Variants in DHRSX observed in about 807,000 individuals in gnomAD.
DHRSX encodes polyprenol dehydrogenase.
In DHRSX, 31 loss-of-function variants were observed where a neutral mutation model predicts 34.0. The ratio of observed to expected loss-of-function variants is 0.91; its 90% CI spans 0.69 to 1.23. The LOEUF (loss-of-function observed/expected upper bound fraction) is 1.23, where lower values mean the gene tolerates loss of function less well. Ranked by LOEUF, DHRSX falls within the 50% of genes most tolerant of loss-of-function variation. The probability of loss-of-function intolerance (pLI) is 0.00; values close to 1 mark genes in which losing one functional copy is unlikely to be tolerated. For synonymous variants in DHRSX, 201 were observed against 183.8 expected (o/e 1.09, Z -0.76); for missense variants, 414 against 428.1 (o/e 0.97, Z 0.29).
intron 6 of DHRSX, among the ~76,000 whole-genome samples, chrX:2,232,571 AT>A (rs762236265): frequency 4.0e-4 from 61 of 151,090 alleles, no homozygotes; most frequent in South Asian, 1.7e-3. Flanking sequence ...AAGAATCAGC[AT>A]TTTTTTTTAT....
chrX:2,233,039 C>T (rs1441833838), intron 6 of DHRSX, among the ~76,000 whole-genome samples: 5 of 151,912 alleles, frequency 3.3e-5, no homozygotes, highest in Admixed American at 6.6e-5. Flanking sequence ...TGGTTTTATA[C>T]TCTTAAAGTG....
At chrX:2,242,963 C>A (rs1459258879) in intron 6 of DHRSX, 60 bp downstream of exon 6, 2 of 1,547,410 alleles carry the variant, frequency 1.3e-6, no homozygotes, top group Non-Finnish European at 1.8e-6. Context: ...GGACTGGGGA[C>A]CCCCTTTCCT....
chrX:2,414,735 T>C (rs972476038), intron 2 of DHRSX, among the ~76,000 whole-genome samples: 1 of 151,884 alleles, frequency 6.6e-6, no homozygotes, highest in Non-Finnish European at 1.5e-5. Flanking sequence ...TTACATCTCA[T>C]TATGACAACG....
At chrX:2,330,203 A>C (rs904458253) in intron 3 of DHRSX, among the ~76,000 whole-genome samples, 4 of 144,252 alleles carry the variant, frequency 2.8e-5, no homozygotes, top group Non-Finnish European at 6.1e-5. Flanking sequence ...AGGAGGGGGA[A>C]GAGGAGGTGA....
intron 1 of DHRSX, among the ~76,000 whole-genome samples, chrX:2,485,002 C>T (rs1366033361): frequency 1.3e-5 from 2 of 152,182 alleles, no homozygotes; most frequent in East Asian, 1.9e-4. Context: ...TTTCCTCACC[C>T]TTCAGAGGCC....
intron 4 of DHRSX, among the ~76,000 whole-genome samples, chrX:2,283,379 T>G (rs187050920): frequency 0.013 from 2,002 of 151,936 alleles, 31 homozygotes; most frequent in South Asian, 0.026. Context: ...GGAGAGCAGC[T>G]CTGGAAGAGA....
Position 2,331,551 on chromosome X carries a change from G to A in DHRSX, c.287-39948C>T, listed in dbSNP as rs181378272. ...CAACCTCCACCTCCCAGGTTCAAGCGATTCTCCTGCCTCAGCCTGCCGAGT... is the reference window on the plus strand; with the variant it reads ...CAACCTCCACCTCCCAGGTTCAAGCAATTCTCCTGCCTCAGCCTGCCGAGT... On this transcript the variant is annotated intron_variant, in intron 3 of 6. Transcript: ENST00000334651. 1.0e-4 allele frequency among the ~76,000 whole-genome samples: 15 copies of A among 144,764 alleles called. No homozygotes were observed. The East Asian group carries it at 1.7e-3, about 16-fold the overall frequency. 95.0% of individuals were successfully genotyped at this position (144,764 alleles called of 152,430 possible).
At chrX:2,495,664 C>T (rs1477037921) in intron 1 of DHRSX, among the ~76,000 whole-genome samples, 1 of 152,206 alleles carries the variant, frequency 6.6e-6, no homozygotes, top group East Asian at 1.9e-4. Flanking sequence ...TTCCTCCTTC[C>T]TCCTCCCTTG....
At chrX:2,274,490 C>T (rs1349618166) in intron 4 of DHRSX, among the ~76,000 whole-genome samples, 3 of 151,868 alleles carry the variant, frequency 2.0e-5, no homozygotes, top group African/African-American at 7.3e-5. Flanking sequence ...GAACTCGGCT[C>T]ACTGCAACCT....
intron 6 of DHRSX, among the ~76,000 whole-genome samples, chrX:2,242,304 A>G (rs908571957): frequency 6.6e-6 from 1 of 152,062 alleles, no homozygotes; most frequent in Non-Finnish European, 1.5e-5. Flanking sequence ...ATTTATGGGC[A>G]CTACCTAGCT....
chrX:2,353,084 A>C (rs1256334308), intron 3 of DHRSX, among the ~76,000 whole-genome samples: 1 of 152,184 alleles, frequency 6.6e-6, no homozygotes, highest in Non-Finnish European at 1.5e-5. Context: ...TTTACAAAAA[A>C]AAATACAAAT....
intron 3 of DHRSX, among the ~76,000 whole-genome samples, chrX:2,368,224 C>G (rs1198353502): frequency 7.0e-6 from 1 of 143,440 alleles, no homozygotes; most frequent in Admixed American, 7.2e-5. Flanking sequence ...GCCTGGGCAA[C>G]AGAATAAGAC....
intron 5 of DHRSX, among the ~76,000 whole-genome samples, chrX:2,248,216 A>G (rs1413100769): frequency 6.6e-6 from 1 of 152,026 alleles, no homozygotes; most frequent in African/African-American, 2.4e-5. Context: ...GGCAGACCAC[A>G]AGGTCAGGAG....
intron 1 of DHRSX, chrX:2,490,617 C>A: frequency 1.9e-6 from 3 of 1,613,946 alleles, no homozygotes; most frequent in Non-Finnish European, 2.5e-6. Flanking sequence ...CATCCCTCGG[C>A]GTTGGTGTCG....
chrX:2,409,724 G>GT (rs1177442428), intron 2 of DHRSX, among the ~76,000 whole-genome samples: 1 of 151,016 alleles, frequency 6.6e-6, no homozygotes, highest in African/African-American at 2.4e-5. Flanking sequence ...TTTTTGTTTT[G>GT]TTTTTTTGTT....
At chrX:2,360,452 G>C (rs1173384984) in intron 3 of DHRSX, among the ~76,000 whole-genome samples, 1 of 152,018 alleles carries the variant, frequency 6.6e-6, no homozygotes, top group East Asian at 1.9e-4. Context: ...GTGTGGTGGT[G>C]CGTGCCTGTA....
chrX:2,500,927 G>C lies in DHRSX; in HGVS notation c.-2C>G. On this transcript the variant is annotated 5_prime_UTR_variant, in exon 1 of 7. Coordinates refer to ENST00000334651, the MANE Select transcript of DHRSX (RefSeq NM_145177.3). Reference sequence around the variant, plus strand: ...CCGCGCCGCAGACAATGGCGACATGGCTGCCCCGGCCGCGCCGCCGCCGCT... The same window carrying C: ...CCGCGCCGCAGACAATGGCGACATGCCTGCCCCGGCCGCGCCGCCGCCGCT... 9.3e-7 allele frequency: 1 copy of C among 1,072,622 alleles called. No homozygotes were observed. The highest frequency in any genetic ancestry group is 1.1e-6 in the Non-Finnish European group (1 of 887,202). 66.4% of individuals were successfully genotyped at this position (1,072,622 alleles called of 1,614,324 possible).
chrX:2,391,167 T>C (rs149250592), intron 3 of DHRSX, among the ~76,000 whole-genome samples: 1,753 of 152,340 alleles, frequency 0.012, 40 homozygotes, highest in South Asian at 0.068. Context: ...CTTTGAGGTA[T>C]ATACCCAGCA....
At chrX:2,249,832 T>C (rs1457082591) in intron 5 of DHRSX, among the ~76,000 whole-genome samples, 2 of 151,212 alleles carry the variant, frequency 1.3e-5, no homozygotes, top group African/African-American at 4.9e-5. Context: ...CCTATGAATA[T>C]CTTTTAGTAA....
Sources: allele counts gnomAD v4.1 joint callset (sites outside exome capture counted in the v4.1 genomes callset), GRCh38; gene constraint gnomAD v4.1.1; transcripts MANE v1.5; gene names NCBI Gene and HGNC (gene_info 2026-07-23, HGNC 2026-07-21).